The following ZNF462 variants were observed in gnomAD, a reference collection of about 807,000 sequenced individuals.
The protein encoded by ZNF462 is zinc finger protein 462.
Under a neutral mutation model 201.9 loss-of-function variants are expected in ZNF462, and 10 were observed. That is an observed-to-expected ratio of 0.05 (90% confidence interval 0.03 to 0.08). The LOEUF (loss-of-function observed/expected upper bound fraction) is 0.08. Among genes scored for constraint, ZNF462 ranks in the 10% least tolerant of loss-of-function variants. The pLI is 1.00. For synonymous variants in ZNF462, 1,227 were observed against 1,193.3 expected, an observed-to-expected ratio of 1.03 and a Z score of -0.58; for missense variants, 2,523 against 3,168.3, an observed-to-expected ratio of 0.80 and a Z score of 4.89.
intron 11 of ZNF462, among the ~76,000 whole-genome samples, chr9:107,007,691 C>G (rs181865045): frequency 2.0e-5 from 3 of 152,280 alleles, no homozygotes; most frequent in African/African-American, 7.2e-5. Context: ...AAGAAATACA[C>G]ACAATAGCCT....
Position 106,932,691 on chromosome 9 carries a change from C to A in ZNF462, c.6116+142C>A, listed in dbSNP as rs1830473453. 9.4e-6 allele frequency: 10 copies of A among 1,059,614 alleles called. No homozygotes were observed. In the South Asian group the frequency reaches 1.1e-4, roughly 12 times the overall value. 65.6% of individuals were successfully genotyped at this position (1,059,614 alleles called of 1,614,324 possible). A position where few individuals can be genotyped will look rare whatever the true frequency, so the allele number is the denominator to read the frequency against. On this transcript the variant is annotated intron_variant, in intron 5 of 12. Coordinates refer to ENST00000277225, the MANE Select transcript of ZNF462 (RefSeq NM_021224.6). The surrounding 1 kb of genome is among the most constrained non-coding windows in gnomAD (Gnocchi z 6.8). ...CTGCTATGTTACCTGGAGCCTCAGT[C>A]ACCTTTTCTGTAAAATGGGGCTGAG... is the stretch of plus-strand genomic sequence containing the variant.
At chr9:106,862,757 C>A (rs966077356), upstream of ZNF462, among the ~76,000 whole-genome samples, 2 of 152,180 alleles carry the variant, frequency 1.3e-5, no homozygotes, top group African/African-American at 4.8e-5. The surrounding 1 kb of genome is among the most constrained non-coding windows in gnomAD (Gnocchi z 4.2). Context: ...CTCAGCATCT[C>A]CTCCAGCTTC....
intron 10 of ZNF462, among the ~76,000 whole-genome samples, chr9:106,994,765 T>C (rs1828570110): frequency 6.6e-6 from 1 of 152,108 alleles, no homozygotes; most frequent in South Asian, 2.1e-4. Context: ...AAACAGTATT[T>C]CTCAAATAGA....
In ZNF462 at chr9:106,902,785, C is replaced by G. The variant is rs1472341786; in HGVS notation, c.-30-20569C>G. 1.3e-5 allele frequency among the ~76,000 whole-genome samples: 2 copies of G among 151,980 alleles called. No homozygotes were observed. Among genetic ancestry groups the G allele is most frequent in the African/African-American group, 4.8e-5 (2 of 41,402 alleles). On this transcript the variant is annotated intron_variant, in intron 1 of 12. Transcript: ENST00000277225. The surrounding 1 kb of genome is among the most constrained non-coding windows in gnomAD (Gnocchi z 4.2). ...AGATGTAATATCACCTGTTTTGTTT[C>G]TTAGTGAGGTTATTTGGATTTTCTC...
At chr9:106,996,503 A>G (rs1828743717) in intron 10 of ZNF462, among the ~76,000 whole-genome samples, 1 of 152,124 alleles carries the variant, frequency 6.6e-6, no homozygotes, top group South Asian at 2.1e-4. Flanking sequence ...AATGATCGCC[A>G]TTCTAACTGG....
rs1013181756 is a variant in ZNF462, at chr9:106,905,390, C to T, written c.-30-17964C>T. 1.3e-5 allele frequency among the ~76,000 whole-genome samples: 2 copies of T among 152,138 alleles called. No individual in the cohort carries two copies. The highest frequency in any genetic ancestry group is 4.8e-5 in the African/African-American group (2 of 41,432). ...GGTGATTTAATGGTCTATTTTTGTG[C>T]TCATTGGCCTCCTGCCAGGAGGTGG... On this transcript the variant is annotated intron_variant, in intron 1 of 12. Transcript: ENST00000277225. The surrounding 1 kb of genome is among the most constrained non-coding windows in gnomAD (Gnocchi z 5.9).
At position 106,962,709 on chromosome 9, in the gene ZNF462, G is replaced by A. The variant is rs1031953395; in HGVS notation, c.6428-9296G>A. 1.3e-5 allele frequency among the ~76,000 whole-genome samples: 2 copies of A among 151,948 alleles called. No homozygotes were observed. Among genetic ancestry groups the A allele is most frequent in the Non-Finnish European group, 2.9e-5 (2 of 67,962 alleles). On this transcript the variant is annotated intron_variant, in intron 7 of 12. Coordinates refer to ENST00000277225, the MANE Select transcript of ZNF462 (RefSeq NM_021224.6). This position sits in a 1 kb window ranked among gnomAD's most constrained non-coding sequence, Gnocchi z 4.6. ...TTGTTTTTACTCATCAGAATGACAGGAAGTTTTCAGTGTGTGTTTCCTTCA... is the reference window on the plus strand; with the variant it reads ...TTGTTTTTACTCATCAGAATGACAGAAAGTTTTCAGTGTGTGTTTCCTTCA...
rs1252632493 is a variant in ZNF462, at chr9:106,954,874, TTTG to T, written c.6427+15770_6427+15772del. Among the ~76,000 whole-genome samples, 3 of 152,136 alleles carry T rather than the reference TTTG, an allele frequency of 2.0e-5. No homozygotes were observed. The highest frequency in any genetic ancestry group is 2.9e-5 in the Non-Finnish European group (2 of 68,020). On this transcript the variant is annotated intron_variant, in intron 7 of 12. Transcript: ENST00000277225. This position sits in a 1 kb window ranked among gnomAD's most constrained non-coding sequence, Gnocchi z 4.0. Reference sequence around the variant, plus strand: ...GAGGGAGCTCTTTAGGAGCAGGGTTTTTGTTATTTTTTTATTCTGAACAATGAA... The same window carrying T: ...GAGGGAGCTCTTTAGGAGCAGGGTTTTTATTTTTTTATTCTGAACAATGAA...
At chr9:106,991,707 C>T (rs187526854) in intron 10 of ZNF462, among the ~76,000 whole-genome samples, 6 of 151,862 alleles carry the variant, frequency 4.0e-5, no homozygotes, top group Admixed American at 2.6e-4. Context: ...AATAAACCCT[C>T]ATATATGTGG....
At chr9:106,952,345 T>G (rs1442032479) in intron 7 of ZNF462, among the ~76,000 whole-genome samples, 1 of 152,206 alleles carries the variant, frequency 6.6e-6, no homozygotes, top group Admixed American at 6.6e-5. Flanking sequence ...TAAATTACTG[T>G]AGAAATAGTA....
rs1334453091 is a variant in ZNF462 at position 106,984,472 on chromosome 9, C to T, written c.7056+63C>T. 7.5e-7 allele frequency: 1 copy of T among 1,338,396 alleles called. No individual in the cohort carries two copies. The highest frequency in any genetic ancestry group is 1.0e-6 in the Non-Finnish European group (1 of 960,984). 82.9% of individuals were successfully genotyped at this position (1,338,396 alleles called of 1,614,324 possible). A position where few individuals can be genotyped will look rare whatever the true frequency, so the allele number is the denominator to read the frequency against. On this transcript the variant is annotated intron_variant, in intron 10 of 12. Coordinates refer to ENST00000277225, the MANE Select transcript of ZNF462 (RefSeq NM_021224.6). The surrounding 1 kb of genome is among the most constrained non-coding windows in gnomAD (Gnocchi z 6.4). ...TTGTGGGGAGGGGCCAAGGGGGAGA[C>T]ACCACTGCATTTAGTCACGACCACT...
At position 106,928,223 on chromosome 9, in the gene ZNF462, C is replaced by G. The variant is rs753263912; in HGVS notation, c.4311C>G (p.Phe1437Leu). The change falls in exon 3 of 13, where the codon TTC becomes TTG. Residue 1437 changes from phenylalanine (F) to leucine (L), a missense_variant. Phe to Leu is a conservative substitution (Grantham distance 22, BLOSUM62 0). Coordinates refer to ENST00000277225, the MANE Select transcript of ZNF462 (RefSeq NM_021224.6). The surrounding 1 kb of genome is among the most constrained non-coding windows in gnomAD (Gnocchi z 9.3). ...VNCENSIPTP[F>L]PEQEAECPED... is the part of the protein sequence containing the mutation. ...GTGAAAACAGTATACCCACCCCTTT[C>G]CCGGAGCAGGAAGCTGAATGTCCAG... The G allele has an allele frequency of 2.5e-6, 4 of 1,614,008 alleles. No homozygotes were observed. The African/African-American group carries it at 5.3e-5, about 22-fold the overall frequency.
chr9:106,959,836 C>T (rs1831747793), intron 7 of ZNF462, among the ~76,000 whole-genome samples: 1 of 152,058 alleles, frequency 6.6e-6, no homozygotes, highest in African/African-American at 2.4e-5. Flanking sequence ...CCTCCAGCTT[C>T]TTGGAAATTT....
rs1366297290 is a variant in ZNF462 at position 106,938,223 on chromosome 9, T to C, written c.6236-693T>C. Among the ~76,000 whole-genome samples, 1 of 152,210 alleles carries C rather than the reference T, an allele frequency of 6.6e-6. No homozygotes were observed. Among genetic ancestry groups the C allele is most frequent in the African/African-American group, 2.4e-5 (1 of 41,458 alleles). ...GAGAGGCAGTCTTTATTGAAGAATA[T>C]TGGAGATAAACACACACACTGTACC... On this transcript the variant is annotated intron_variant, in intron 6 of 12. Transcript: ENST00000277225. This position sits in a 1 kb window ranked among gnomAD's most constrained non-coding sequence, Gnocchi z 4.4.
intron 1 of ZNF462, among the ~76,000 whole-genome samples, chr9:106,882,278 T>C (rs1454076885): frequency 6.6e-6 from 1 of 152,214 alleles, no homozygotes; most frequent in Non-Finnish European, 1.5e-5. Context: ...CTAAAACAGA[T>C]GTACACAGTC....
At chr9:106,937,734 A>G (rs113315484) in intron 6 of ZNF462, among the ~76,000 whole-genome samples, 1,592 of 152,172 alleles carry the variant, frequency 0.01, 26 homozygotes, top group African/African-American at 0.035. Context: ...ATTTACTTTT[A>G]TTTTTATGTT....
chr9:106,875,205 T>G (rs1383621783), intron 1 of ZNF462, among the ~76,000 whole-genome samples: 1 of 152,152 alleles, frequency 6.6e-6, no homozygotes, highest in East Asian at 1.9e-4. Context: ...CCCATCTTAG[T>G]AGAAAGGTCG....
Position 107,008,953 on chromosome 9 carries a change from A to G in ZNF462, c.7190-592A>G, listed in dbSNP as rs576036917. Reference sequence around the variant, plus strand: ...TCATCCAGATAAATGTTCATGGTAGATTCTTCGCTTGCAGATCTCATTCAG... The same window carrying G: ...TCATCCAGATAAATGTTCATGGTAGGTTCTTCGCTTGCAGATCTCATTCAG... On this transcript the variant is annotated intron_variant, in intron 11 of 12. Coordinates refer to ENST00000277225, the MANE Select transcript of ZNF462 (RefSeq NM_021224.6). The surrounding 1 kb of genome is among the most constrained non-coding windows in gnomAD (Gnocchi z 4.8). Among the ~76,000 whole-genome samples the G allele has an allele frequency of 6.6e-6, 1 of 152,282 alleles. No individual in the cohort carries two copies. The highest frequency in any genetic ancestry group is 2.4e-5 in the African/African-American group (1 of 41,574).
In ZNF462 at chr9:106,917,846, TTATA is replaced by T. The variant is rs1317327109; in HGVS notation, c.-30-5506_-30-5503del. Among the ~76,000 whole-genome samples, 5 of 146,962 alleles carry T rather than the reference TTATA, an allele frequency of 3.4e-5. No homozygotes were observed. The highest frequency in any genetic ancestry group is 1.0e-4 in the African/African-American group (4 of 39,696). ...TTTATTTTGCTGGTTTATTATTTTT[TTATA>T]TTTATTTATTTATTTATTTATTTAT... On this transcript the variant is annotated intron_variant, in intron 1 of 12. Coordinates refer to ENST00000277225, the MANE Select transcript of ZNF462 (RefSeq NM_021224.6). The surrounding 1 kb of genome is among the most constrained non-coding windows in gnomAD (Gnocchi z 4.5).
Sources: allele counts gnomAD v4.1 joint callset (sites outside exome capture counted in the v4.1 genomes callset), GRCh38; gene constraint gnomAD v4.1.1; non-coding constraint Gnocchi (gnomAD v3.1); transcripts MANE v1.5; gene names NCBI Gene and HGNC (gene_info 2026-07-23, HGNC 2026-07-21).